The following ABCG2 variants were observed in gnomAD, a reference collection of about 807,000 sequenced individuals.
The protein encoded by ABCG2 is ATP binding cassette subfamily G member 2 (JR blood group), also known as broad substrate specificity ATP-binding cassette transporter ABCG2.
In ABCG2, 80 loss-of-function variants were observed where a neutral mutation model predicts 73.5. That is an observed-to-expected ratio of 1.09 (90% CI 0.91 to 1.31). The LOEUF (loss-of-function observed/expected upper bound fraction) is 1.31. ABCG2 is among the 50% of genes most tolerant of loss of function. ABCG2 has a pLI of 0.00. For synonymous variants in ABCG2, 269 were observed against 282.4 expected (o/e 0.95, Z 0.48); for missense variants, 796 against 786.2 (o/e 1.01, Z -0.15).
At chr4:88,107,916 G>A (rs1296354057) in intron 9 of ABCG2, among the ~76,000 whole-genome samples, 5 of 152,226 alleles carry the variant, frequency 3.3e-5, no homozygotes, top group East Asian at 1.9e-4. Context: ...GCATTTGGCC[G>A]GCTTTCTCTG....
intron 1 of ABCG2, among the ~76,000 whole-genome samples, chr4:88,204,335 C>T (rs1463390587): frequency 1.3e-5 from 2 of 152,150 alleles, no homozygotes; most frequent in African/African-American, 2.4e-5. Context: ...GCAGGAGAGT[C>T]GCTTGAACCT....
intron 1 of ABCG2, among the ~76,000 whole-genome samples, chr4:88,212,659 C>G (rs893246174): frequency 3.3e-5 from 5 of 152,166 alleles, no homozygotes; most frequent in Non-Finnish European, 7.3e-5. Context: ...CAGTATTTCA[C>G]TGTGCCTCAC....
chr4:88,113,816 T>C (rs1438066023), intron 8 of ABCG2, among the ~76,000 whole-genome samples: 1 of 151,506 alleles, frequency 6.6e-6, no homozygotes, highest in African/African-American at 2.4e-5. Flanking sequence ...CAAAAAAAAT[T>C]AGCCTGGCGT....
intron 1 of ABCG2, among the ~76,000 whole-genome samples, chr4:88,196,095 C>T (rs1728933629): frequency 6.6e-6 from 1 of 151,748 alleles, no homozygotes; most frequent in Non-Finnish European, 1.5e-5. Flanking sequence ...AACTGCCTGA[C>T]CATCACCTGA....
intron 1 of ABCG2, among the ~76,000 whole-genome samples, chr4:88,194,344 A>T (rs1478817785): frequency 6.6e-6 from 1 of 151,658 alleles, no homozygotes; most frequent in Non-Finnish European, 1.5e-5. Context: ...AGGTCAGGAG[A>T]TAAAGACCAT....
chr4:88,103,251 T>C (rs1465788595), intron 10 of ABCG2, among the ~76,000 whole-genome samples: 1 of 152,230 alleles, frequency 6.6e-6, no homozygotes, highest in Non-Finnish European at 1.5e-5. Context: ...GTCTTAAATC[T>C]ATCAGTACAG....
intron 9 of ABCG2, among the ~76,000 whole-genome samples, chr4:88,110,448 CAGG>C (rs1723059178): frequency 6.6e-6 from 1 of 152,008 alleles, no homozygotes; most frequent in African/African-American, 2.4e-5. Flanking sequence ...GAGGCTGAGG[CAGG>C]AGAATTGCTT....
At chr4:88,210,212 CACACACACAT>C (rs776406477) in intron 1 of ABCG2, among the ~76,000 whole-genome samples, 2 of 121,268 alleles carry the variant, frequency 1.6e-5, no homozygotes, top group Non-Finnish European at 3.6e-5. Flanking sequence ...CACACACACA[CACACACACAT>C]ATACATATAT....
intron 9 of ABCG2, among the ~76,000 whole-genome samples, chr4:88,112,945 A>G (rs1246935240): frequency 1.3e-5 from 2 of 152,054 alleles, no homozygotes; most frequent in Non-Finnish European, 2.9e-5. Flanking sequence ...CCCCATCTCT[A>G]CACAAAACAC....
chr4:88,125,017 G>T (rs575251102), intron 5 of ABCG2, among the ~76,000 whole-genome samples: 290 of 152,200 alleles, frequency 1.9e-3, no homozygotes, highest in African/African-American at 6.7e-3. Flanking sequence ...TCAAGGCCAG[G>T]CGTGGTGGCT....
chr4:88,119,332 C>G (rs1269883091), intron 6 of ABCG2, among the ~76,000 whole-genome samples: 1 of 152,298 alleles, frequency 6.6e-6, no homozygotes, highest in Non-Finnish European at 1.5e-5. Flanking sequence ...AGTGTGAGAA[C>G]AAACTAATAC....
chr4:88,218,890 C>T (rs1729908154), intron 1 of ABCG2, among the ~76,000 whole-genome samples: 1 of 152,120 alleles, frequency 6.6e-6, no homozygotes, highest in African/African-American at 2.4e-5. Flanking sequence ...ATATTTTAGG[C>T]TTGTGGGCCA....
At chr4:88,194,790 G>A (rs183363023) in intron 1 of ABCG2, among the ~76,000 whole-genome samples, 106 of 152,246 alleles carry the variant, frequency 7.0e-4, no homozygotes, top group Middle Eastern at 3.4e-3. Context: ...AAGATAGCAA[G>A]GTAAATGTAG....
chr4:88,110,234 T>C (rs1337308703), intron 9 of ABCG2, among the ~76,000 whole-genome samples: 1 of 152,180 alleles, frequency 6.6e-6, no homozygotes, highest in Non-Finnish European at 1.5e-5. Context: ...AAATGAAAGT[T>C]ACCTTTTTTT....
chr4:88,161,166 TTA>T (rs1397218261), upstream of ABCG2, among the ~76,000 whole-genome samples: 1 of 98,776 alleles, frequency 1.0e-5, no homozygotes. Flanking sequence ...ATTTTTTTTT[TTA>T]ATTTTTTTTT....
At chr4:88,115,720 C>T (rs1047250221) in intron 7 of ABCG2, among the ~76,000 whole-genome samples, 2 of 151,892 alleles carry the variant, frequency 1.3e-5, no homozygotes, top group African/African-American at 2.4e-5. Context: ...TATCATAATT[C>T]ATGAGACCTG....
At chr4:88,159,007 G>C (rs926295325), upstream of ABCG2, 1 of 366,246 alleles carries the variant, frequency 2.7e-6, no homozygotes, top group South Asian at 2.0e-5. Flanking sequence ...AGCGCCCTGC[G>C]ACCCGGCTGA....
intron 6 of ABCG2, among the ~76,000 whole-genome samples, chr4:88,120,899 C>A (rs1044729770): frequency 1.3e-5 from 2 of 152,016 alleles, no homozygotes; most frequent in Admixed American, 6.6e-5. Context: ...TGATATGTGT[C>A]CCCACCCAAA....
intron 1 of ABCG2, among the ~76,000 whole-genome samples, chr4:88,212,502 T>C (rs1020224221): frequency 3.9e-5 from 6 of 152,132 alleles, no homozygotes; most frequent in Non-Finnish European, 8.8e-5. Context: ...GTGATCTTGT[T>C]CTCCACCCTG....
Sources: allele counts gnomAD v4.1 joint callset (sites outside exome capture counted in the v4.1 genomes callset), GRCh38; gene constraint gnomAD v4.1.1; transcripts MANE v1.5; gene names NCBI Gene and HGNC (gene_info 2026-07-23, HGNC 2026-07-21).